METTL24: variants seen among roughly 807,000 people sequenced by gnomAD.
METTL24 encodes methyltransferase like 24, also known as probable methyltransferase-like protein 24.
METTL24 carries 29 observed loss-of-function variants against 32.7 expected under a neutral mutation model. That is an observed-to-expected ratio of 0.89 (90% CI 0.66 to 1.21). The LOEUF is 1.21. Among genes scored for constraint, METTL24 ranks in the 50% most tolerant of loss-of-function variants. METTL24 has a pLI of 0.00. For missense variants in METTL24, 439 were observed against 468.1 expected (o/e 0.94, Z 0.57); for synonymous variants, 163 against 179.5 (o/e 0.91, Z 0.73).
chr6:110,316,780 C>T (rs1771827063), intron 2 of METTL24, among the ~76,000 whole-genome samples: 1 of 152,062 alleles, frequency 6.6e-6, no homozygotes, highest in African/African-American at 2.4e-5. Flanking sequence ...CCTGTAGTCC[C>T]AGCTATTCAG....
At chr6:110,261,228 T>C (rs773403135) in intron 4 of METTL24, among the ~76,000 whole-genome samples, 12 of 152,030 alleles carry the variant, frequency 7.9e-5, no homozygotes, top group Non-Finnish European at 1.8e-4. Context: ...AACCCATCTC[T>C]CGTGCAGAGA....
At chr6:110,328,328 A>C (rs1772051178) in intron 1 of METTL24, among the ~76,000 whole-genome samples, 1 of 152,254 alleles carries the variant, frequency 6.6e-6, no homozygotes, top group Non-Finnish European at 1.5e-5. Context: ...AAAAGTGAGC[A>C]GGCTTCTTCT....
intron 3 of METTL24, among the ~76,000 whole-genome samples, chr6:110,312,355 T>C (rs1477567441): frequency 6.6e-6 from 1 of 152,204 alleles, no homozygotes; most frequent in Non-Finnish European, 1.5e-5. Flanking sequence ...TCTGGGTATA[T>C]ATCCAAAGGA....
At chr6:110,352,089 A>G (rs555734887) in intron 1 of METTL24, among the ~76,000 whole-genome samples, 15 of 152,288 alleles carry the variant, frequency 9.8e-5, no homozygotes, top group Admixed American at 3.9e-4. Flanking sequence ...AACTAAGTCT[A>G]TTCCCCTACG....
At position 110,244,012 on chromosome 6, in the gene METTL24, G is replaced by C. The variant is rs1778098958; in HGVS notation, c.*1934C>G. Among the ~76,000 whole-genome samples, 1 of 152,160 alleles carries C rather than the reference G, an allele frequency of 6.6e-6. No individual in the cohort carries two copies. On this transcript the variant is annotated 3_prime_UTR_variant, in exon 5 of 5. Transcript: ENST00000338882. ...CGTGTTTAATCCTGTAAATAGTAAT[G>C]AGAGAGAGCATTTGAACCGCTGAGA... is the stretch of plus-strand genomic sequence containing the variant.
chr6:110,356,498 C>G (rs1254311668), intron 1 of METTL24, among the ~76,000 whole-genome samples: 1 of 151,950 alleles, frequency 6.6e-6, no homozygotes, highest in Non-Finnish European at 1.5e-5. Context: ...AAAGAAACAT[C>G]ACATTGTAAC....
At chr6:110,338,278 C>T (rs543259889) in intron 1 of METTL24, among the ~76,000 whole-genome samples, 3 of 152,290 alleles carry the variant, frequency 2.0e-5, no homozygotes, top group South Asian at 4.1e-4. Flanking sequence ...GGGTGGATCA[C>T]CTGAGGTTGG....
intron 4 of METTL24, among the ~76,000 whole-genome samples, chr6:110,298,536 G>A (rs923822927): frequency 6.8e-6 from 1 of 146,452 alleles, no homozygotes; most frequent in Non-Finnish European, 1.5e-5. Flanking sequence ...CAATATCTTA[G>A]TAAACATAAC....
At chr6:110,329,000 T>A (rs1192809694) in intron 1 of METTL24, among the ~76,000 whole-genome samples, 1 of 152,188 alleles carries the variant, frequency 6.6e-6, no homozygotes, top group African/African-American at 2.4e-5. Flanking sequence ...TTGTATAAAA[T>A]AAACCAAAAG....
At chr6:110,356,109 G>T (rs1256177530) in intron 1 of METTL24, among the ~76,000 whole-genome samples, 1 of 152,172 alleles carries the variant, frequency 6.6e-6, no homozygotes, top group African/African-American at 2.4e-5. Context: ...GAACATTGAG[G>T]ACATCCAGAG....
intron 4 of METTL24, among the ~76,000 whole-genome samples, chr6:110,288,068 G>A (rs1323194315): frequency 6.6e-6 from 1 of 152,220 alleles, no homozygotes; most frequent in African/African-American, 2.4e-5. Context: ...GACAGTGTCT[G>A]TCCTTCACAC....
chr6:110,346,329 T>C (rs932798411), intron 1 of METTL24, among the ~76,000 whole-genome samples: 2 of 152,178 alleles, frequency 1.3e-5, no homozygotes, highest in Non-Finnish European at 2.9e-5. Flanking sequence ...ATGAGCTCCC[T>C]GCCTTCATAG....
At chr6:110,266,976 G>A (rs1017243205) in intron 4 of METTL24, among the ~76,000 whole-genome samples, 2 of 151,964 alleles carry the variant, frequency 1.3e-5, no homozygotes, top group South Asian at 2.1e-4. Flanking sequence ...AAAAAAAGCT[G>A]TAAGTTATAA....
chr6:110,357,898 C>A, intron 1 of METTL24, 57 bp downstream of exon 1: 1 of 1,044,286 alleles, frequency 9.6e-7, no homozygotes, highest in Non-Finnish European at 1.2e-6. Context: ...GGCTCCGTAG[C>A]GCGGTCGGGA....
At chr6:110,317,243 C>G (rs555942417) in intron 2 of METTL24, among the ~76,000 whole-genome samples, 15 of 152,348 alleles carry the variant, frequency 9.8e-5, no homozygotes, top group African/African-American at 3.6e-4. Context: ...GGAATTGAAT[C>G]TTTTCTGAAG....
intron 1 of METTL24, among the ~76,000 whole-genome samples, chr6:110,338,945 G>C (rs542982516): frequency 4.5e-4 from 68 of 152,306 alleles, no homozygotes; most frequent in South Asian, 1.5e-3. Flanking sequence ...TGAAAACAGT[G>C]TTTGTCATGG....
intron 3 of METTL24, among the ~76,000 whole-genome samples, chr6:110,310,773 G>T (rs1220109513): frequency 6.6e-6 from 1 of 152,190 alleles, no homozygotes; most frequent in African/African-American, 2.4e-5. Context: ...AGATGGAGGT[G>T]ATATCTGCTT....
intron 4 of METTL24, among the ~76,000 whole-genome samples, chr6:110,248,331 C>A (rs191925559): frequency 5.3e-4 from 81 of 152,284 alleles, no homozygotes; most frequent in Admixed American, 5.2e-3. Context: ...AGAAGGTACA[C>A]AGAATTTACA....
At chr6:110,279,074 A>G (rs1308752191) in intron 4 of METTL24, among the ~76,000 whole-genome samples, 1 of 152,226 alleles carries the variant, frequency 6.6e-6, no homozygotes, top group Non-Finnish European at 1.5e-5. Flanking sequence ...CAGCTGAACA[A>G]GTTTCACTAC....
Sources: gnomAD v4.1 joint callset for allele counts (sites outside exome capture counted in the v4.1 genomes callset) on GRCh38, gnomAD v4.1.1 for gene constraint, MANE v1.5 for transcripts, NCBI Gene and HGNC (gene_info 2026-07-23, HGNC 2026-07-21) for gene names.